ZNF578: variants seen among roughly 807,000 people sequenced by gnomAD.
ZNF578 encodes zinc finger protein 578.
ZNF578 carries 8 observed loss-of-function variants against 8.3 expected under a neutral mutation model. The observed-to-expected ratio is 0.96, with a 90% confidence interval of 0.56 to 1.74. ZNF578 has a LOEUF of 1.74. Among genes scored for constraint, ZNF578 ranks in the 40% most tolerant of loss-of-function variants. The probability of loss-of-function intolerance (pLI) is 0.00; values close to 1 mark genes in which losing one functional copy is unlikely to be tolerated. For synonymous variants in ZNF578, 206 were observed against 232.2 expected, an observed-to-expected ratio of 0.89 and a Z score of 1.03; for missense variants, 726 against 707.5, an observed-to-expected ratio of 1.03 and a Z score of -0.30.
intron 2 of ZNF578, among the ~76,000 whole-genome samples, chr19:52,486,708 G>A (rs1447517903): frequency 3.3e-5 from 5 of 151,914 alleles, no homozygotes; most frequent in Admixed American, 2.0e-4. Flanking sequence ...GGTGCCACAG[G>A]GTCGGGACAC....
At chr19:52,470,868 T>G (rs1180436423) in intron 2 of ZNF578, among the ~76,000 whole-genome samples, 1 of 152,174 alleles carries the variant, frequency 6.6e-6, no homozygotes, top group East Asian at 1.9e-4. Context: ...CCAAAACTCA[T>G]GTTGAACTGT....
Position 52,511,660 on chromosome 19 carries a change from T to C in ZNF578, c.1279T>C (p.Tyr427His), listed in dbSNP as rs1568468394. 3 of 1,614,064 alleles carry C rather than the reference T, an allele frequency of 1.9e-6. No homozygotes were observed. In the South Asian group the frequency reaches 3.3e-5, roughly 18 times the overall value. Residue 427 changes from tyrosine to histidine, a missense_variant, in exon 6 of 6, where the codon TAC (tyrosine) becomes CAC (histidine). By Grantham distance (83) the Tyr-to-His change is moderately conservative. Coordinates refer to ENST00000421239, the MANE Select transcript of ZNF578 (RefSeq NM_001099694.2). The part of the protein sequence containing the change: ...HHRLHTGEKP[Y>H]KCNDCGKAFI... ...TAGACTTCATACTGGAGAGAAACCT[T>C]ACAAGTGTAATGACTGTGGTAAGGC...
chr19:52,470,211 G>A (rs893537217), intron 2 of ZNF578, among the ~76,000 whole-genome samples: 9 of 152,106 alleles, frequency 5.9e-5, no homozygotes, highest in Non-Finnish European at 8.8e-5. Flanking sequence ...GGCCTCCTCT[G>A]AGGCAGATGC....
At chr19:52,473,822 TTCTC>T in intron 2 of ZNF578, 1 of 319,014 alleles carries the variant, frequency 3.1e-6, no homozygotes, top group Non-Finnish European at 5.8e-6. Context: ...TTTGTAAAGT[TTCTC>T]TCCTGTATGA....
intron 2 of ZNF578, among the ~76,000 whole-genome samples, chr19:52,459,771 T>TATA (rs1568454222): frequency 6.9e-5 from 1 of 14,590 alleles, no homozygotes; most frequent in South Asian, 5.0e-3. Flanking sequence ...ATATATATAT[T>TATA]TTTTTTTTTT....
intron 5 of ZNF578, among the ~76,000 whole-genome samples, chr19:52,506,125 C>T (rs2059424795): frequency 6.6e-6 from 1 of 152,054 alleles, no homozygotes; most frequent in Non-Finnish European, 1.5e-5. Flanking sequence ...CTTTTGATAG[C>T]CTGGCCTGAC....
At chr19:52,506,187 C>T (rs1364715041) in intron 5 of ZNF578, among the ~76,000 whole-genome samples, 3 of 152,136 alleles carry the variant, frequency 2.0e-5, no homozygotes, top group Admixed American at 6.5e-5. Context: ...TCATGAGCCA[C>T]CACCCCTGGC....
intron 2 of ZNF578, among the ~76,000 whole-genome samples, chr19:52,489,257 A>G (rs993030856): frequency 3.9e-5 from 6 of 152,080 alleles, no homozygotes; most frequent in African/African-American, 1.2e-4. Flanking sequence ...AAAAAACAAA[A>G]AAAGAAATAG....
intron 5 of ZNF578, among the ~76,000 whole-genome samples, chr19:52,509,278 G>A (rs1453192321): frequency 6.6e-6 from 1 of 152,040 alleles, no homozygotes; most frequent in East Asian, 1.9e-4. Context: ...ATCTTAACAT[G>A]TATTTCAGTT....
In ZNF578 at chr19:52,510,733, C is replaced by CA. The variant is rs2059441600; in HGVS notation, c.357dup (p.Asp120ArgfsTer2). On this transcript the variant is annotated frameshift_variant, in exon 6 of 6. Transcript: ENST00000421239. LOFTEE classifies it low-confidence loss of function (END_TRUNC). ...TATTCATGACTTTGAGTTTCAGTCA[C>CA]AAAAAGATGAAAGAAATGGCCATGA... is the stretch of plus-strand genomic sequence containing the variant. The CA allele has an allele frequency of 3.1e-6, 5 of 1,612,328 alleles. No individual in the cohort carries two copies. The highest frequency in any genetic ancestry group is 2.5e-6 in the Non-Finnish European group (3 of 1,179,506).
At chr19:52,482,094 TATG>T (rs1265009717) in intron 2 of ZNF578, among the ~76,000 whole-genome samples, 1 of 152,150 alleles carries the variant, frequency 6.6e-6, no homozygotes, top group Non-Finnish European at 1.5e-5. Context: ...AGTGCAATGG[TATG>T]ATCTCAGCTC....
At chr19:52,454,523 A>G (rs2059233269) in intron 1 of ZNF578, 1 of 152,216 alleles carries the variant, frequency 6.6e-6, no homozygotes, top group Non-Finnish European at 1.5e-5. Context: ...TTCAGTATTT[A>G]TTAATTTGCC....
intron 3 of ZNF578, among the ~76,000 whole-genome samples, chr19:52,496,269 G>C (rs1448664974): frequency 6.6e-6 from 1 of 151,930 alleles, no homozygotes; most frequent in Non-Finnish European, 1.5e-5. Flanking sequence ...ACCCTCGTCG[G>C]CCTCCCAAAG....
At chr19:52,480,182 A>G (rs182919564) in intron 2 of ZNF578, among the ~76,000 whole-genome samples, 405 of 152,320 alleles carry the variant, frequency 2.7e-3, no homozygotes, top group African/African-American at 9.4e-3. Context: ...CTGGGATTAC[A>G]GGCGTGAGCC....
chr19:52,500,166 G>C (rs2059401557), intron 3 of ZNF578, among the ~76,000 whole-genome samples: 1 of 152,142 alleles, frequency 6.6e-6, no homozygotes, highest in South Asian at 2.1e-4. Flanking sequence ...TGTGAAATCA[G>C]AAAATCTTAC....
At position 52,504,537 on chromosome 19, in the gene ZNF578, G is replaced by GT. The variant is rs1403527069; in HGVS notation, c.64-114dup. ...AAAAATTCAAAAATACCTTAACGTG[G>GT]TTTTGTCACAACACAGTCTTTGATC... On this transcript the variant is annotated intron_variant, in intron 4 of 5. Coordinates refer to ENST00000421239, the MANE Select transcript of ZNF578 (RefSeq NM_001099694.2). 4.5e-6 allele frequency: 7 copies of GT among 1,549,952 alleles called. No individual in the cohort carries two copies. In the East Asian group the frequency reaches 9.1e-5, roughly 20 times the overall value.
intron 2 of ZNF578, among the ~76,000 whole-genome samples, chr19:52,486,332 C>G (rs1006026754): frequency 6.6e-6 from 1 of 152,202 alleles, no homozygotes; most frequent in Non-Finnish European, 1.5e-5. Flanking sequence ...TCAATAAATA[C>G]TGAGGGAACT....
At position 52,512,328 on chromosome 19, in the gene ZNF578, T is replaced by G. The variant is rs2059452362; in HGVS notation, c.*174T>G. The G allele has an allele frequency of 6.5e-7, 1 of 1,538,172 alleles. No homozygotes were observed. The highest frequency in any genetic ancestry group is 9.0e-7 in the Non-Finnish European group (1 of 1,112,192). ...ACACTTACCATCAGGCCATTCATGG[T>G]GTAGGGAAACTTGACTAATGTAATG... On this transcript the variant is annotated 3_prime_UTR_variant, in exon 6 of 6. Transcript: ENST00000421239.
intron 3 of ZNF578, among the ~76,000 whole-genome samples, chr19:52,492,490 C>T (rs1328566279): frequency 6.6e-6 from 1 of 152,212 alleles, no homozygotes; most frequent in African/African-American, 2.4e-5. Flanking sequence ...GAGAGGATTT[C>T]TGTTCTGTTC....
Sources: allele counts gnomAD v4.1 joint callset (sites outside exome capture counted in the v4.1 genomes callset), GRCh38; gene constraint gnomAD v4.1.1; transcripts MANE v1.5; gene names NCBI Gene and HGNC (gene_info 2026-07-23, HGNC 2026-07-21).